Variants in FRMD4B observed in about 807,000 individuals in gnomAD.
The protein encoded by FRMD4B is FERM domain containing 4B, also known as FERM domain-containing protein 4B.
FRMD4B carries 74 observed loss-of-function variants against 141.5 expected under a neutral mutation model. That is an observed-to-expected ratio of 0.52 (90% CI 0.43 to 0.63). The LOEUF is 0.63. Among genes scored for constraint, FRMD4B ranks in the 30% least tolerant of loss-of-function variants. The probability of loss-of-function intolerance (pLI) is 0.00; values close to 1 mark genes in which losing one functional copy is unlikely to be tolerated. For missense variants in FRMD4B, 1,366 were observed against 1,253.4 expected (o/e 1.09, Z -1.36); for synonymous variants, 506 against 467.9 (o/e 1.08, Z -1.05).
intron 1 of FRMD4B, among the ~76,000 whole-genome samples, chr3:69,450,161 T>A (rs543989664): frequency 6.6e-6 from 1 of 152,230 alleles, no homozygotes; most frequent in Non-Finnish European, 1.5e-5. Context: ...CAGACAATAA[T>A]CATTAGCCAT....
At chr3:69,183,301 A>C (rs1299130332) in intron 19 of FRMD4B, among the ~76,000 whole-genome samples, 1 of 151,870 alleles carries the variant, frequency 6.6e-6, no homozygotes, top group East Asian at 1.9e-4. Flanking sequence ...TGATCCCCCC[A>C]CCACCAGCTA....
intron 1 of FRMD4B, among the ~76,000 whole-genome samples, chr3:69,363,579 C>T (rs567294776): frequency 1.3e-4 from 20 of 151,964 alleles, no homozygotes; most frequent in African/African-American, 4.3e-4. Context: ...TTAGTAGAGA[C>T]GGAATTTCAC....
At chr3:69,542,113 TGCGCCCGGGGCGCACCGGGC>T (rs1162139232) in intron 1 of FRMD4B, 11 of 149,890 alleles carry the variant, frequency 7.3e-5, no homozygotes, top group Admixed American at 4.0e-4. Context: ...ACGTGCGCGC[TGCGCCCGGGGCGCACCGGGC>T]GCGCCCGTGG....
intron 1 of FRMD4B, chr3:69,536,754 T>C (rs1701093856): frequency 3.7e-6 from 2 of 538,686 alleles, no homozygotes; most frequent in African/African-American, 3.9e-5. Context: ...TTTTTTAATT[T>C]TTTATTTTTT....
chr3:69,470,365 T>C (rs187088633), intron 1 of FRMD4B, among the ~76,000 whole-genome samples: 1 of 152,312 alleles, frequency 6.6e-6, no homozygotes, highest in East Asian at 1.9e-4. Context: ...GGAGAAGCAT[T>C]TTGTATAGTA....
intron 5 of FRMD4B, among the ~76,000 whole-genome samples, chr3:69,274,989 T>A (rs1044829565): frequency 3.3e-5 from 5 of 152,180 alleles, no homozygotes; most frequent in Non-Finnish European, 5.9e-5. Context: ...TCCTATGCTC[T>A]TTCCCCAGGC....
intron 1 of FRMD4B, among the ~76,000 whole-genome samples, chr3:69,374,423 T>C (rs563186955): frequency 6.6e-6 from 1 of 152,254 alleles, no homozygotes; most frequent in African/African-American, 2.4e-5. Flanking sequence ...TGAGACAAAC[T>C]AATTCCTGTA....
chr3:69,348,702 T>C (rs1315655934), intron 1 of FRMD4B, among the ~76,000 whole-genome samples: 1 of 152,138 alleles, frequency 6.6e-6, no homozygotes, highest in African/African-American at 2.4e-5. Context: ...ATAAATGTAA[T>C]CCAGCATATA....
At chr3:69,200,154 A>G (rs985532354) in intron 11 of FRMD4B, among the ~76,000 whole-genome samples, 12 of 152,190 alleles carry the variant, frequency 7.9e-5, no homozygotes, top group African/African-American at 2.7e-4. Flanking sequence ...CAGACATGTA[A>G]ACCTCATCAT....
rs576453448 is a variant in FRMD4B at position 69,294,506 on chromosome 3, G to A, written c.417-6670C>T. 9.2e-5 allele frequency among the ~76,000 whole-genome samples: 14 copies of A among 152,328 alleles called. 1 individual carries two copies. In the South Asian group the frequency reaches 2.3e-3, roughly 25 times the overall value. On this transcript the variant is annotated intron_variant, in intron 4 of 22. Coordinates refer to ENST00000398540, the MANE Select transcript of FRMD4B (RefSeq NM_015123.3). ...AGAATTCCCAGGGGAAGCACTGTTT[G>A]CTTCTACAATGTGCTTCTCTGCCAG...
intron 1 of FRMD4B, among the ~76,000 whole-genome samples, chr3:69,470,150 T>A (rs1458330838): frequency 6.6e-6 from 1 of 152,220 alleles, no homozygotes; most frequent in Non-Finnish European, 1.5e-5. Context: ...AAATAAGATT[T>A]CTCAGTGCAG....
chr3:69,412,460 G>A (rs1490830732), intron 2 of FRMD4B, among the ~76,000 whole-genome samples: 3 of 152,244 alleles, frequency 2.0e-5, no homozygotes, highest in South Asian at 2.1e-4. Context: ...AGAGGGGACC[G>A]AAAGTAGGTA....
chr3:69,384,811 G>T (rs1704209490), intron 1 of FRMD4B, among the ~76,000 whole-genome samples: 1 of 152,110 alleles, frequency 6.6e-6, no homozygotes, highest in Admixed American at 6.5e-5. Flanking sequence ...GAAGATTATG[G>T]TTTGTCAAAA....
intron 9 of FRMD4B, among the ~76,000 whole-genome samples, chr3:69,220,618 G>A (rs547080628): frequency 5.1e-4 from 78 of 152,290 alleles, no homozygotes; most frequent in African/African-American, 1.8e-3. Flanking sequence ...TTGGGAGGCC[G>A]AGTTGGGCAG....
At chr3:69,465,319 C>CAAAA (rs370690960) in intron 1 of FRMD4B, among the ~76,000 whole-genome samples, 3 of 109,094 alleles carry the variant, frequency 2.7e-5, no homozygotes, top group African/African-American at 6.4e-5. Flanking sequence ...GGCTCCGTCT[C>CAAAA]AAAAAAAAAA....
At position 69,353,699 on chromosome 3, in the gene FRMD4B, G is replaced by A. The variant is rs761853998; in HGVS notation, c.162+32129C>T. On this transcript the variant is annotated intron_variant, in intron 1 of 22. Coordinates refer to ENST00000398540, the MANE Select transcript of FRMD4B (RefSeq NM_015123.3). ...CATTTTCTCCAACTACAAGCCAGTGGAAGTAGGAACTTAAAAACTCCCGAC... is the reference window on the plus strand; with the variant it reads ...CATTTTCTCCAACTACAAGCCAGTGAAAGTAGGAACTTAAAAACTCCCGAC... 3.8e-3 allele frequency: 3,697 copies of A among 985,056 alleles called. 6 individuals are homozygous for A. The highest frequency in any genetic ancestry group is 4.2e-3 in the Non-Finnish European group (3,494 of 829,594). 61.0% of individuals were successfully genotyped at this position (985,056 alleles called of 1,614,324 possible).
chr3:69,426,312 T>C (rs987460840), intron 2 of FRMD4B, among the ~76,000 whole-genome samples: 1 of 140,228 alleles, frequency 7.1e-6, no homozygotes, highest in African/African-American at 2.9e-5. Flanking sequence ...TGAAACAAAC[T>C]TTTAAAAGCG....
At chr3:69,457,732 T>C (rs1237545646) in intron 1 of FRMD4B, among the ~76,000 whole-genome samples, 1 of 152,198 alleles carries the variant, frequency 6.6e-6, no homozygotes, top group Non-Finnish European at 1.5e-5. Flanking sequence ...GATTAGAAAA[T>C]ATATTTAGAA....
chr3:69,455,569 C>G (rs917647454), intron 1 of FRMD4B, among the ~76,000 whole-genome samples: 2 of 152,090 alleles, frequency 1.3e-5, no homozygotes, highest in African/African-American at 4.8e-5. Flanking sequence ...ACACGTCCGA[C>G]GGAACATCAG....
Sources: allele counts gnomAD v4.1 joint callset (sites outside exome capture counted in the v4.1 genomes callset), GRCh38; gene constraint gnomAD v4.1.1; transcripts MANE v1.5; gene names NCBI Gene and HGNC (gene_info 2026-07-23, HGNC 2026-07-21).